The following TBC1D5 variants were observed in gnomAD, a reference collection of about 807,000 sequenced individuals.
TBC1D5 encodes TBC1 domain family, member 5.
A neutral mutation model predicts 100.3 loss-of-function variants in TBC1D5; 75 were observed. That is an observed-to-expected ratio of 0.75 (90% CI 0.62 to 0.91). TBC1D5 has a LOEUF of 0.91. Ranked by LOEUF, TBC1D5 falls within the 40% of genes least tolerant of loss-of-function variation. The probability of loss-of-function intolerance (pLI) is 0.00; values close to 1 mark genes in which losing one functional copy is unlikely to be tolerated. For missense variants in TBC1D5, 910 were observed against 942.4 expected, an observed-to-expected ratio of 0.97 and a Z score of 0.45; for synonymous variants, 323 against 325.6, an observed-to-expected ratio of 0.99 and a Z score of 0.09.
chr3:17,397,568 G>A (rs966175300), intron 8 of TBC1D5, among the ~76,000 whole-genome samples: 20 of 152,050 alleles, frequency 1.3e-4, no homozygotes, highest in Non-Finnish European at 2.4e-4. Flanking sequence ...CTGTGGAGAC[G>A]GTTTTGCCAT....
chr3:17,656,919 G>T (rs553811602), intron 1 of TBC1D5, among the ~76,000 whole-genome samples: 2 of 152,160 alleles, frequency 1.3e-5, no homozygotes, highest in South Asian at 4.2e-4. Flanking sequence ...ATTTGTCAAG[G>T]AGCGACAGGA....
At chr3:17,650,455 T>A (rs982294394) in intron 1 of TBC1D5, among the ~76,000 whole-genome samples, 9 of 152,160 alleles carry the variant, frequency 5.9e-5, no homozygotes, top group Admixed American at 1.3e-4. Flanking sequence ...GACACCTTTT[T>A]ATTACTTTAA....
intron 1 of TBC1D5, among the ~76,000 whole-genome samples, chr3:17,678,391 C>G (rs979828216): frequency 1.3e-5 from 2 of 152,036 alleles, no homozygotes; most frequent in Non-Finnish European, 2.9e-5. Context: ...TTCTCCCTCC[C>G]AAAACCCTAC....
intron 3 of TBC1D5, among the ~76,000 whole-genome samples, chr3:17,435,817 G>A (rs1254292111): frequency 4.6e-5 from 7 of 152,222 alleles, no homozygotes; most frequent in African/African-American, 7.2e-5. Flanking sequence ...CATGTGTATT[G>A]GAGAGATGTA....
chr3:17,556,578 T>C (rs999631485), intron 2 of TBC1D5, among the ~76,000 whole-genome samples: 4 of 152,200 alleles, frequency 2.6e-5, no homozygotes, highest in Non-Finnish European at 4.4e-5. Context: ...GCATGTCTTA[T>C]TGCATACCTT....
intron 3 of TBC1D5, among the ~76,000 whole-genome samples, chr3:17,481,531 G>A (rs1182827389): frequency 6.6e-6 from 1 of 152,154 alleles, no homozygotes; most frequent in African/African-American, 2.4e-5. Context: ...CTCCAGCCTG[G>A]GCCACAGAGC....
intron 14 of TBC1D5, among the ~76,000 whole-genome samples, chr3:17,305,353 T>G (rs1420391655): frequency 6.6e-6 from 1 of 152,202 alleles, no homozygotes; most frequent in Admixed American, 6.5e-5. Context: ...CCTTAGGTAA[T>G]AGGACCATAT....
intron 3 of TBC1D5, among the ~76,000 whole-genome samples, chr3:17,489,731 C>A (rs1367795627): frequency 6.6e-6 from 1 of 152,126 alleles, no homozygotes. Flanking sequence ...TGAATATGTA[C>A]CACATTTTCT....
At chr3:17,516,145 AAAT>A in intron 2 of TBC1D5, among the ~76,000 whole-genome samples, 1 of 152,286 alleles carries the variant, frequency 6.6e-6, no homozygotes, top group East Asian at 1.9e-4. Flanking sequence ...TCACTTTTCT[AAAT>A]CCTGTACATA....
intron 3 of TBC1D5, among the ~76,000 whole-genome samples, chr3:17,472,217 C>T (rs1481535593): frequency 1.3e-5 from 2 of 151,188 alleles, no homozygotes; most frequent in Non-Finnish European, 2.9e-5. Context: ...CAGCTCACTA[C>T]AACCTCCACC....
At chr3:17,681,965 T>C (rs2069545412) in intron 1 of TBC1D5, among the ~76,000 whole-genome samples, 1 of 151,536 alleles carries the variant, frequency 6.6e-6, no homozygotes, top group Non-Finnish European at 1.5e-5. Context: ...GGGAGCTAGG[T>C]TGCCTGCACC....
intron 1 of TBC1D5, among the ~76,000 whole-genome samples, chr3:17,705,070 C>T (rs2073870784): frequency 7.3e-6 from 1 of 136,134 alleles, no homozygotes; most frequent in African/African-American, 2.7e-5. Flanking sequence ...CCACCTCCCT[C>T]CCGGACGGCA....
intron 2 of TBC1D5, among the ~76,000 whole-genome samples, chr3:17,523,700 A>G (rs754220260): frequency 6.6e-6 from 1 of 152,208 alleles, no homozygotes; most frequent in Non-Finnish European, 1.5e-5. Flanking sequence ...AATTATTAAC[A>G]ATAAAGCTTT....
At chr3:17,588,913 A>G (rs1460939375) in intron 2 of TBC1D5, among the ~76,000 whole-genome samples, 1 of 152,252 alleles carries the variant, frequency 6.6e-6, no homozygotes, top group Non-Finnish European at 1.5e-5. Context: ...TAAGAAACCT[A>G]CTAAAATATC....
chr3:17,496,598 C>T (rs2095710741), intron 3 of TBC1D5, among the ~76,000 whole-genome samples: 1 of 152,072 alleles, frequency 6.6e-6, no homozygotes, highest in East Asian at 1.9e-4. Context: ...AAATTTAGGG[C>T]ATCCTGTTAT....
chr3:17,689,989 A>G (rs1319181904), intron 1 of TBC1D5, among the ~76,000 whole-genome samples: 1 of 152,226 alleles, frequency 6.6e-6, no homozygotes, highest in Admixed American at 6.5e-5. Context: ...GCATTTAATC[A>G]GTATAAAAGG....
chr3:17,603,472 C>A (rs769589353), intron 2 of TBC1D5, among the ~76,000 whole-genome samples: 1 of 152,148 alleles, frequency 6.6e-6, no homozygotes, highest in Non-Finnish European at 1.5e-5. Context: ...TTACAAATGA[C>A]ATGGTAACAT....
At chr3:17,742,252 G>T (rs1177447047), upstream of TBC1D5, among the ~76,000 whole-genome samples, 1 of 152,146 alleles carries the variant, frequency 6.6e-6, no homozygotes. Context: ...GCACAAACGG[G>T]GGGCGGTGCG....
chr3:17,736,685 G>A (rs2076988612), intron 1 of TBC1D5, among the ~76,000 whole-genome samples: 1 of 152,104 alleles, frequency 6.6e-6, no homozygotes, highest in Admixed American at 6.5e-5. Context: ...GGTAGCTGCT[G>A]GGACACCTCC....
Sources: allele counts gnomAD v4.1 joint callset (sites outside exome capture counted in the v4.1 genomes callset), GRCh38; gene constraint gnomAD v4.1.1; transcripts MANE v1.5; gene names NCBI Gene and HGNC (gene_info 2026-07-23, HGNC 2026-07-21).